INSR: variants seen among roughly 807,000 people sequenced by gnomAD.
INSR encodes the protein insulin receptor, also known as IR.
A neutral mutation model predicts 142.6 loss-of-function variants in INSR; 67 were observed. The ratio of observed to expected loss-of-function variants is 0.47; its 90% confidence interval spans 0.39 to 0.58. The LOEUF is 0.58. INSR is among the 20% of genes least tolerant of loss of function. The probability of loss-of-function intolerance (pLI) is 0.00; values close to 1 mark genes in which losing one functional copy is unlikely to be tolerated. For missense variants in INSR, 1,248 were observed against 1,833.2 expected (o/e 0.68, Z 5.83); for synonymous variants, 756 against 743.1 (o/e 1.02, Z -0.28).
chr19:7,136,305 A>T (rs1328787577), intron 13 of INSR, among the ~76,000 whole-genome samples: 2 of 152,126 alleles, frequency 1.3e-5, no homozygotes, highest in African/African-American at 4.8e-5. Context: ...AAGAATACAG[A>T]TTCTGCAGAG....
At position 7,116,125 on chromosome 19, in the gene INSR, C is replaced by CTTTTTTTTTTT. The variant is rs34045095; in HGVS notation, c.*920_*930dup. The CTTTTTTTTTTT allele has an allele frequency of 7.6e-6, 1 of 131,502 alleles. No homozygotes were observed. Among genetic ancestry groups the CTTTTTTTTTTT allele is most frequent in the Non-Finnish European group, 1.6e-5 (1 of 63,736 alleles). The allele number at this position is 131,502 out of a possible 1,614,324, so 8.1% of individuals were successfully genotyped here. A position where few individuals can be genotyped will look rare whatever the true frequency, so the allele number is the denominator to read the frequency against. ...TCCATTTTGTTTTTTCTTTCTTTTT[C>CTTTTTTTTTTT]TTTTTTTTTTTTTAATGTCCTAGCT... On this transcript the variant is annotated 3_prime_UTR_variant, in exon 22 of 22. Transcript: ENST00000302850.
chr19:7,229,323 TGG>T (rs1491559535), intron 2 of INSR, among the ~76,000 whole-genome samples: 21 of 67,770 alleles, frequency 3.1e-4, no homozygotes, highest in Non-Finnish European at 5.7e-4. Context: ...GATGGATGGA[TGG>T]ATGGATAGAT....
intron 9 of INSR, 45 bp downstream of exon 9, chr19:7,162,987 A>T: frequency 6.2e-7 from 1 of 1,605,428 alleles, no homozygotes; most frequent in Admixed American, 1.7e-5. Context: ...CATCAGACAC[A>T]CGTGTGCAAA....
intron 13 of INSR, among the ~76,000 whole-genome samples, chr19:7,140,754 A>G (rs1244282040): frequency 6.6e-6 from 1 of 151,842 alleles, no homozygotes; most frequent in Non-Finnish European, 1.5e-5. Context: ...CGAAAAAAAT[A>G]AAATTAGAAT....
intron 9 of INSR, among the ~76,000 whole-genome samples, chr19:7,161,321 A>G (rs1019450277): frequency 6.6e-6 from 1 of 151,882 alleles, no homozygotes; most frequent in Non-Finnish European, 1.5e-5. Flanking sequence ...GTGCACTGGA[A>G]TAATCATAGC....
At chr19:7,184,772 C>A in intron 2 of INSR, 135 bp from the exon 3 acceptor site, 1 of 591,522 alleles carries the variant, frequency 1.7e-6, no homozygotes, top group Non-Finnish European at 2.5e-6. Flanking sequence ...GCCAACCAAA[C>A]ACTAACAGTA....
chr19:7,254,163 G>A (rs1976820117), intron 2 of INSR, among the ~76,000 whole-genome samples: 1 of 152,038 alleles, frequency 6.6e-6, no homozygotes, highest in South Asian at 2.1e-4. Flanking sequence ...GAGTCTAAGA[G>A]TTCAAGACCA....
At chr19:7,231,100 A>G (rs1173564700) in intron 2 of INSR, among the ~76,000 whole-genome samples, 1 of 152,168 alleles carries the variant, frequency 6.6e-6, no homozygotes, top group South Asian at 2.1e-4. Context: ...GCTGATTTCC[A>G]GAAACTCACA....
chr19:7,114,924 T>G lies in INSR; in HGVS notation c.*2132A>C, dbSNP rs1972287131. On this transcript the variant is annotated 3_prime_UTR_variant, in exon 22 of 22. Coordinates refer to ENST00000302850, the MANE Select transcript of INSR (RefSeq NM_000208.4). The stretch of plus-strand genomic sequence containing the variant: ...AGTTCTACGTGTTTTTTTTTTAAAT[T>G]TAGGTACAGACCCTCATATTTACAA... 1 of 151,932 alleles carries G rather than the reference T, an allele frequency of 6.6e-6. No homozygotes were observed. The highest frequency in any genetic ancestry group is 6.6e-5 in the Admixed American group (1 of 15,242). 9.4% of individuals were successfully genotyped at this position (151,932 alleles called of 1,614,324 possible). A position where few individuals can be genotyped will look rare whatever the true frequency, so the allele number is the denominator to read the frequency against.
intron 13 of INSR, among the ~76,000 whole-genome samples, chr19:7,136,958 G>A (rs560214291): frequency 6.6e-5 from 10 of 151,548 alleles, no homozygotes; most frequent in African/African-American, 2.2e-4. Flanking sequence ...TTAGCCTCCC[G>A]AGTAGTTGGG....
At chr19:7,217,487 C>T (rs1177468548) in intron 2 of INSR, among the ~76,000 whole-genome samples, 1 of 152,222 alleles carries the variant, frequency 6.6e-6, no homozygotes, top group African/African-American at 2.4e-5. Context: ...CAACCGACCA[C>T]ATTCACCCTT....
At position 7,192,299 on chromosome 19, in the gene INSR, AAAGAAAAG is replaced by A. The variant is rs1394196433; in HGVS notation, c.653-7670_653-7663del. On this transcript the variant is annotated intron_variant, in intron 2 of 21. Transcript: ENST00000302850. This position sits in a 1 kb window ranked among gnomAD's most constrained non-coding sequence, Gnocchi z 4.2. ...AAAGAAAAGAAAAGAAAAGAAAAGAAAAGAAAAGAAAAAAATCACAGGCAGCCCAGGCT... is the reference window on the plus strand; with the variant it reads ...AAAGAAAAGAAAAGAAAAGAAAAGAAAAAAAAATCACAGGCAGCCCAGGCT... 2.7e-5 allele frequency among the ~76,000 whole-genome samples: 4 copies of A among 145,752 alleles called. No individual in the cohort carries two copies. The highest frequency in any genetic ancestry group is 2.0e-4 in the East Asian group (1 of 5,010).
intron 2 of INSR, among the ~76,000 whole-genome samples, chr19:7,215,020 A>C (rs1233982581): frequency 6.6e-6 from 1 of 151,276 alleles, no homozygotes; most frequent in African/African-American, 2.4e-5. Flanking sequence ...GCAGTGGTGC[A>C]ATCATAGCTC....
chr19:7,137,270 A>G (rs1239264800), intron 13 of INSR, among the ~76,000 whole-genome samples: 1 of 120,324 alleles, frequency 8.3e-6, no homozygotes, highest in Non-Finnish European at 1.7e-5. Flanking sequence ...TCTAAATTAA[A>G]AAAAAAAAAA....
At chr19:7,178,014 T>G (rs948024437) in intron 3 of INSR, among the ~76,000 whole-genome samples, 1 of 152,058 alleles carries the variant, frequency 6.6e-6, no homozygotes, top group African/African-American at 2.4e-5. Flanking sequence ...CGCAATTTTA[T>G]CCGTTGCTAC....
intron 21 of INSR, among the ~76,000 whole-genome samples, chr19:7,118,622 T>C (rs1281871023): frequency 6.6e-6 from 1 of 151,814 alleles, no homozygotes; most frequent in African/African-American, 2.4e-5. Context: ...CCCAGCTACC[T>C]GACAAAATTT....
chr19:7,176,974 T>G (rs916088570), intron 3 of INSR, among the ~76,000 whole-genome samples: 1 of 152,168 alleles, frequency 6.6e-6, no homozygotes, highest in African/African-American at 2.4e-5. Flanking sequence ...GTGTGGGATG[T>G]GATGCAACTA....
chr19:7,243,891 A>T (rs1976445530), intron 2 of INSR, among the ~76,000 whole-genome samples: 1 of 152,230 alleles, frequency 6.6e-6, no homozygotes, highest in African/African-American at 2.4e-5. Context: ...GATGTCGGAT[A>T]ATACCATTGT....
At chr19:7,130,549 G>T (rs187421335) in intron 14 of INSR, among the ~76,000 whole-genome samples, 1 of 152,218 alleles carries the variant, frequency 6.6e-6, no homozygotes, top group Admixed American at 6.5e-5. Flanking sequence ...ATAATAAGTG[G>T]GTTCTCATGG....
Sources: allele counts gnomAD v4.1 joint callset (sites outside exome capture counted in the v4.1 genomes callset), GRCh38; gene constraint gnomAD v4.1.1; non-coding constraint Gnocchi (gnomAD v3.1); transcripts MANE v1.5; gene names NCBI Gene and HGNC (gene_info 2026-07-23, HGNC 2026-07-21).